The following MCM10 variants were observed in gnomAD, a reference collection of about 807,000 sequenced individuals.
MCM10 encodes the protein minichromosome maintenance 10 replication initiation factor, also known as protein MCM10 homolog.
A neutral mutation model predicts 109.9 loss-of-function variants in MCM10; 91 were observed. The observed-to-expected ratio is 0.83, with a 90% CI of 0.70 to 0.99. The LOEUF is 0.99. Among genes scored for constraint, MCM10 ranks in the 50% least tolerant of loss-of-function variants. The pLI is 0.00. For synonymous variants in MCM10, 380 were observed against 387.2 expected, an observed-to-expected ratio of 0.98 and a Z score of 0.22; for missense variants, 1,077 against 1,061.2, an observed-to-expected ratio of 1.01 and a Z score of -0.21.
chr10:13,186,774 CT>C (rs1834280011), intron 9 of MCM10, among the ~76,000 whole-genome samples: 1 of 152,106 alleles, frequency 6.6e-6, no homozygotes, highest in South Asian at 2.1e-4. Flanking sequence ...GACAGATCAT[CT>C]GAGATCAGGA....
intron 10 of MCM10, among the ~76,000 whole-genome samples, chr10:13,189,843 G>T (rs1409735325): frequency 1.3e-5 from 2 of 152,172 alleles, no homozygotes; most frequent in African/African-American, 4.8e-5. Context: ...TTGCCTGGGG[G>T]TTCAGAGTCA....
intron 16 of MCM10, among the ~76,000 whole-genome samples, chr10:13,200,848 A>T (rs937275147): frequency 1.3e-5 from 2 of 152,212 alleles, no homozygotes; most frequent in Non-Finnish European, 2.9e-5. Context: ...TTGGTGCTTT[A>T]AAAGTCACCA....
At chr10:13,187,788 T>C (rs1834293708) in intron 9 of MCM10, among the ~76,000 whole-genome samples, 1 of 152,126 alleles carries the variant, frequency 6.6e-6, no homozygotes, top group African/African-American at 2.4e-5. Flanking sequence ...TGGGAGACGG[T>C]TGGAAAATGA....
intron 6 of MCM10, 85 bp downstream of exon 6, chr10:13,175,766 C>T: frequency 2.2e-6 from 2 of 913,818 alleles, no homozygotes; most frequent in East Asian, 2.5e-5. Flanking sequence ...TGTGTTTATA[C>T]ATCAGGATCC....
chr10:13,206,192 C>T (rs1834578253), intron 18 of MCM10, among the ~76,000 whole-genome samples: 1 of 151,800 alleles, frequency 6.6e-6, no homozygotes. Flanking sequence ...GATTTTGTTT[C>T]TCACTCGGCT....
chr10:13,180,756 A>G, intron 7 of MCM10, 149 bp downstream of exon 7: 1 of 922,344 alleles, frequency 1.1e-6, no homozygotes, highest in South Asian at 1.5e-5. Flanking sequence ...TTGAGTTGGT[A>G]TCCAGCGGGT....
chr10:13,175,402 C>T, intron 5 of MCM10, 108 bp from the exon 6 acceptor site: 1 of 846,458 alleles, frequency 1.2e-6, no homozygotes, highest in Admixed American at 1.9e-5. Context: ...GCCTGGGTGA[C>T]ACAGTGAGTC....
chr10:13,191,217 T>A, intron 10 of MCM10, 82 bp from the exon 11 acceptor site: 2 of 903,154 alleles, frequency 2.2e-6, no homozygotes, highest in African/African-American at 1.7e-5. Flanking sequence ...GTGTAATAAA[T>A]GATGATATCT....
intron 7 of MCM10, among the ~76,000 whole-genome samples, chr10:13,181,894 C>T (rs186323443): frequency 1.3e-5 from 2 of 152,242 alleles, no homozygotes; most frequent in East Asian, 1.9e-4. Context: ...GCTCAGCGTC[C>T]GGGCAGTAGA....
intron 18 of MCM10, among the ~76,000 whole-genome samples, chr10:13,205,178 T>C (rs1444791705): frequency 6.6e-6 from 1 of 151,858 alleles, no homozygotes; most frequent in African/African-American, 2.4e-5. Context: ...CATTAAGTAA[T>C]TTCTCCTCCC....
At chr10:13,204,534 C>A in intron 18 of MCM10, 170 bp downstream of exon 18, 1 of 777,502 alleles carries the variant, frequency 1.3e-6, no homozygotes, top group Non-Finnish European at 2.0e-6. Context: ...AAGGAAGGGA[C>A]CCTGCCCTTT....
Position 13,186,191 on chromosome 10 carries a change from A to G in MCM10, c.1126A>G (p.Lys376Glu). 1 of 1,612,546 alleles carries G rather than the reference A, an allele frequency of 6.2e-7. No homozygotes were observed. Among genetic ancestry groups the G allele is most frequent in the African/African-American group, 1.3e-5 (1 of 74,972 alleles). The change falls in exon 9 of 20, where the codon AAG becomes GAG. Residue 376 changes from lysine to glutamate, a missense_variant. Transcript: ENST00000378714. ...GTGTTTATCTATCGATCATCCTCAGAAGGTCTTAATTATGGGTGAAGCTCT... is the reference window on the plus strand; with the variant it reads ...GTGTTTATCTATCGATCATCCTCAGGAGGTCTTAATTATGGGTGAAGCTCT... ...EVCLSIDHPQ[K>E]VLIMGEALDL...
Position 13,180,536 on chromosome 10 carries a change from A to G in MCM10, c.859A>G (p.Lys287Glu), listed in dbSNP as rs749170762. 9.3e-6 allele frequency: 15 copies of G among 1,614,154 alleles called. No individual in the cohort carries two copies. The highest frequency in any genetic ancestry group is 1.3e-5 in the Non-Finnish European group (15 of 1,180,038). The change falls in exon 7 of 20, where the codon AAG (lysine) becomes GAG (glutamate). Residue 287 changes from lysine (K) to glutamate (E), a missense_variant. Physicochemically the swap from Lys to Glu is moderately conservative, Grantham distance 56. Coordinates refer to ENST00000378714, the MANE Select transcript of MCM10 (RefSeq NM_018518.5). ...GATCAAGGAAAAGATGGCCAGAGAG[A>G]AGCTGGAAGAAATAGATTGGGTGAC... The part of the protein sequence containing the change: ...SQIKEKMARE[K>E]LEEIDWVTFG...
At chr10:13,162,678 G>A (rs1474116044) in intron 1 of MCM10, among the ~76,000 whole-genome samples, 2 of 152,176 alleles carry the variant, frequency 1.3e-5, no homozygotes, top group African/African-American at 4.8e-5. Context: ...AGACTTGAAC[G>A]AGACAGTTTG....
intron 16 of MCM10, among the ~76,000 whole-genome samples, chr10:13,200,258 C>T (rs1396715420): frequency 2.0e-5 from 3 of 152,072 alleles, no homozygotes; most frequent in Non-Finnish European, 4.4e-5. Context: ...TCAGGTTCCC[C>T]ATCCACACAG....
At position 13,182,950 on chromosome 10, in the gene MCM10, A is replaced by G; in HGVS notation, c.948A>G (p.Ile316Met). 1.2e-6 allele frequency: 2 copies of G among 1,613,678 alleles called. No homozygotes were observed. The highest frequency in any genetic ancestry group is 1.7e-6 in the Non-Finnish European group (2 of 1,179,748). ...QSVNSGKTFS[I>M]WKLNDLRDLT... Reference sequence around the variant, plus strand: ...TGTTCCAGGGAAAAACCTTCAGCATATGGAAACTGAATGATCTTCGTGACC... The same window carrying G: ...TGTTCCAGGGAAAAACCTTCAGCATGTGGAAACTGAATGATCTTCGTGACC... The change falls in exon 8 of 20, where the codon ATA (isoleucine) becomes ATG (methionine). Residue 316 changes from isoleucine (I) to methionine (M), a missense_variant. Coordinates refer to ENST00000378714, the MANE Select transcript of MCM10 (RefSeq NM_018518.5). The surrounding 1 kb of genome is among the most constrained non-coding windows in gnomAD (Gnocchi z 4.2).
chr10:13,166,678 ATATATAT>A (rs1376721166), intron 2 of MCM10, among the ~76,000 whole-genome samples: 5,678 of 141,884 alleles, frequency 0.04, 202 homozygotes, highest in Admixed American at 0.068. Flanking sequence ...ATATATATAT[ATATATAT>A]ATATCATCAG....
At chr10:13,178,828 T>G (rs945041771) in intron 6 of MCM10, among the ~76,000 whole-genome samples, 1 of 152,244 alleles carries the variant, frequency 6.6e-6, no homozygotes, top group Non-Finnish European at 1.5e-5. Context: ...ATTGATTCTT[T>G]AAATCCATCA....
At chr10:13,187,292 T>G (rs1004609549) in intron 9 of MCM10, among the ~76,000 whole-genome samples, 1 of 152,274 alleles carries the variant, frequency 6.6e-6, no homozygotes, top group Non-Finnish European at 1.5e-5. Context: ...TGATCCGTGC[T>G]GTAGCATTTA....
Sources: gnomAD v4.1 joint callset for allele counts (sites outside exome capture counted in the v4.1 genomes callset) on GRCh38, gnomAD v4.1.1 for gene constraint, Gnocchi (gnomAD v3.1) non-coding constraint, MANE v1.5 for transcripts, NCBI Gene and HGNC (gene_info 2026-07-23, HGNC 2026-07-21) for gene names.